PIEZO2: variants seen among roughly 807,000 people sequenced by gnomAD.
PIEZO2 encodes the protein piezo-type mechanosensitive ion channel component 2.
PIEZO2 carries 172 observed loss-of-function variants against 337.3 expected under a neutral mutation model. The observed-to-expected ratio is 0.51, with a 90% CI of 0.45 to 0.58. PIEZO2 has a LOEUF of 0.58. Among genes scored for constraint, PIEZO2 ranks in the 20% least tolerant of loss-of-function variants. The pLI, the probability that PIEZO2 is intolerant of heterozygous loss-of-function variation, is 0.00. For synonymous variants in PIEZO2, 1,251 were observed against 1,228.5 expected (o/e 1.02, Z -0.38); for missense variants, 3,028 against 3,391.3 (o/e 0.89, Z 2.66).
At chr18:10,697,950 C>G (rs2035170276) in intron 44 of PIEZO2, 70 bp from the exon 45 acceptor site, 2 of 1,524,116 alleles carry the variant, frequency 1.3e-6, no homozygotes, top group Admixed American at 2.1e-5. Context: ...ATCCAAGAAG[C>G]AGAACCCAGA....
chr18:10,982,483 A>G lies in PIEZO2; in HGVS notation c.161-2823T>C, dbSNP rs2034706322. Among the ~76,000 whole-genome samples, 1 of 152,234 alleles carries G rather than the reference A, an allele frequency of 6.6e-6. No homozygotes were observed. The highest frequency in any genetic ancestry group is 1.5e-5 in the Non-Finnish European group (1 of 68,038). On this transcript the variant is annotated intron_variant, in intron 2 of 55. Coordinates refer to ENST00000674853, the MANE Select transcript of PIEZO2 (RefSeq NM_001378183.1). This position sits in a 1 kb window ranked among gnomAD's most constrained non-coding sequence, Gnocchi z 4.1. ...TGTCAATTTCCCCAAAATTTAGTCT[A>G]AAAATTCAGTACAGTTTAAAATAAA...
chr18:11,127,790 T>G lies in PIEZO2; in HGVS notation c.64+20735A>C, dbSNP rs1398146354. On this transcript the variant is annotated intron_variant, in intron 1 of 55. Transcript: ENST00000674853. The surrounding 1 kb of genome is among the most constrained non-coding windows in gnomAD (Gnocchi z 4.5). Reference sequence around the variant, plus strand: ...TATATGATATATATGCATATACGTGTGTGTGTGTGTGCATGTGTGTGTGTG... The same window carrying G: ...TATATGATATATATGCATATACGTGGGTGTGTGTGTGCATGTGTGTGTGTG... 2.4e-5 allele frequency among the ~76,000 whole-genome samples: 2 copies of G among 82,668 alleles called. No homozygotes were observed. Among genetic ancestry groups the G allele is most frequent in the Non-Finnish European group, 4.6e-5 (2 of 43,752 alleles). The allele number at this position is 82,668 out of a possible 152,430, so 54.2% of individuals were successfully genotyped here.
At chr18:11,045,023 C>A (rs1000934852) in intron 2 of PIEZO2, among the ~76,000 whole-genome samples, 1 of 152,068 alleles carries the variant, frequency 6.6e-6, no homozygotes, top group African/African-American at 2.4e-5. Context: ...GGGCCAGGCA[C>A]GGTGGCTCAT....
chr18:11,088,974 G>A (rs1481331008), intron 1 of PIEZO2, among the ~76,000 whole-genome samples: 3 of 152,198 alleles, frequency 2.0e-5, no homozygotes. Context: ...GCAAAGAACA[G>A]TTTAAATTAC....
intron 7 of PIEZO2, among the ~76,000 whole-genome samples, chr18:10,825,700 G>A (rs1211749380): frequency 1.3e-5 from 2 of 151,796 alleles, no homozygotes; most frequent in Non-Finnish European, 2.9e-5. Context: ...ACAGGCATGT[G>A]CCACCATGCC....
rs1351760350 is a variant in PIEZO2 at position 11,038,442 on chromosome 18, A to G, written c.160+27685T>C. On this transcript the variant is annotated intron_variant, in intron 2 of 55. Coordinates refer to ENST00000674853, the MANE Select transcript of PIEZO2 (RefSeq NM_001378183.1). The surrounding 1 kb of genome is among the most constrained non-coding windows in gnomAD (Gnocchi z 4.1). ...TGTAAGCCGGAGGCCCTTATTTAAG[A>G]ATCTCCACCCATTCCAAAAGTTTTA... 2.6e-5 allele frequency among the ~76,000 whole-genome samples: 4 copies of G among 152,156 alleles called. No individual in the cohort carries two copies. Among genetic ancestry groups the G allele is most frequent in the Non-Finnish European group, 5.9e-5 (4 of 68,030 alleles).
intron 3 of PIEZO2, among the ~76,000 whole-genome samples, chr18:10,946,456 A>T (rs2033027693): frequency 6.6e-6 from 1 of 152,172 alleles, no homozygotes; most frequent in Admixed American, 6.5e-5. Flanking sequence ...AATCAGTGTG[A>T]GTCAGGCCTC....
rs1268726636 is a variant in PIEZO2 at position 10,872,559 on chromosome 18, C to T, written c.330-1144G>A. Reference sequence around the variant, plus strand: ...GAGCTTAATAGGCACTGGCAGACTTCTCACACCATTCAGCACACGACACGG... The same window carrying T: ...GAGCTTAATAGGCACTGGCAGACTTTTCACACCATTCAGCACACGACACGG... On this transcript the variant is annotated intron_variant, in intron 4 of 55. Transcript: ENST00000674853. The surrounding 1 kb of genome is among the most constrained non-coding windows in gnomAD (Gnocchi z 4.3). Among the ~76,000 whole-genome samples the T allele has an allele frequency of 6.6e-6, 1 of 152,096 alleles. No individual in the cohort carries two copies. The highest frequency in any genetic ancestry group is 2.4e-5 in the African/African-American group (1 of 41,364).
intron 1 of PIEZO2, among the ~76,000 whole-genome samples, chr18:11,106,728 G>T (rs1046450187): frequency 6.6e-6 from 1 of 152,100 alleles, no homozygotes; most frequent in Non-Finnish European, 1.5e-5. Flanking sequence ...AGTGGACAAG[G>T]ACAGTGGCAT....
chr18:11,039,023 T>C (rs993958333), intron 2 of PIEZO2, among the ~76,000 whole-genome samples: 1 of 152,158 alleles, frequency 6.6e-6, no homozygotes, highest in South Asian at 2.1e-4. Flanking sequence ...TGTGTCTAAT[T>C]CACAAAATTA....
Position 10,979,676 on chromosome 18 carries a change from T to C in PIEZO2, c.161-16A>G. On this transcript the variant is annotated splice_polypyrimidine_tract_variant and intron_variant, in intron 2 of 55. Transcript: ENST00000674853. This position sits in a 1 kb window ranked among gnomAD's most constrained non-coding sequence, Gnocchi z 4.0. ...CCCGTATGTCCTAAGGGATAAAAAG[T>C]GCAGAGATTGTGAGAGAGCTTAAGA... The C allele has an allele frequency of 6.6e-7, 1 of 1,521,848 alleles. No individual in the cohort carries two copies. The highest frequency in any genetic ancestry group is 8.8e-7 in the Non-Finnish European group (1 of 1,137,038). The allele number at this position is 1,521,848 out of a possible 1,614,324, so 94.3% of individuals were successfully genotyped here. A position where few individuals can be genotyped will look rare whatever the true frequency, so the allele number is the denominator to read the frequency against.
At chr18:10,901,263 G>T (rs1362405355) in intron 4 of PIEZO2, among the ~76,000 whole-genome samples, 1 of 152,172 alleles carries the variant, frequency 6.6e-6, no homozygotes, top group Non-Finnish European at 1.5e-5. Context: ...GGATAGAATT[G>T]CTGCAAATAC....
At chr18:11,049,755 T>C (rs900513302) in intron 2 of PIEZO2, among the ~76,000 whole-genome samples, 1 of 152,194 alleles carries the variant, frequency 6.6e-6, no homozygotes, top group Non-Finnish European at 1.5e-5. Context: ...CCTGCCACCA[T>C]GTAAGACATG....
intron 7 of PIEZO2, among the ~76,000 whole-genome samples, chr18:10,844,650 G>T (rs191156810): frequency 2.2e-4 from 34 of 151,832 alleles, no homozygotes; most frequent in African/African-American, 8.0e-4. Context: ...ATAGCTAGGC[G>T]TGGTGGTGGG....
At chr18:11,089,629 A>T (rs2039011365) in intron 1 of PIEZO2, among the ~76,000 whole-genome samples, 1 of 152,204 alleles carries the variant, frequency 6.6e-6, no homozygotes, top group South Asian at 2.1e-4. Flanking sequence ...CATCAACTCC[A>T]TTACAGGATT....
Position 10,821,071 on chromosome 18 carries a change from T to C in PIEZO2, c.918-13797A>G, listed in dbSNP as rs554181443. On this transcript the variant is annotated intron_variant, in intron 7 of 55. Coordinates refer to ENST00000674853, the MANE Select transcript of PIEZO2 (RefSeq NM_001378183.1). The surrounding 1 kb of genome is among the most constrained non-coding windows in gnomAD (Gnocchi z 4.2). ...AAGTGTCTAGATGACTCCTTGAAGA[T>C]CTCTGGAGCTCTTTCTCTGTCTTTC... Among the ~76,000 whole-genome samples, 9 of 152,334 alleles carry C rather than the reference T, an allele frequency of 5.9e-5. No homozygotes were observed. Among genetic ancestry groups the C allele is most frequent in the African/African-American group, 1.9e-4 (8 of 41,578 alleles).
intron 4 of PIEZO2, among the ~76,000 whole-genome samples, chr18:10,906,307 A>C (rs1329777413): frequency 6.6e-6 from 1 of 152,242 alleles, no homozygotes; most frequent in Admixed American, 6.5e-5. Flanking sequence ...TAATGTTCTG[A>C]TTACACAGAA....
intron 1 of PIEZO2, among the ~76,000 whole-genome samples, chr18:11,072,977 T>A (rs4797500): frequency 0.52 from 78,767 of 152,180 alleles, 22,365 homozygotes; most frequent in East Asian, 0.97. Context: ...CATGATGGCA[T>A]ATGCTCTGTA....
Position 10,794,891 on chromosome 18 carries a change from T to A in PIEZO2, c.1639A>T (p.Met547Leu), listed in dbSNP as rs925624319. The stretch of plus-strand genomic sequence containing the variant: ...AACAATAGGTTTCCATAAACCACCA[T>A]GAAGGGAGAGCTGATCATGGCATAT... ...RKYAMISSPFMVVYGNLLLIL... is the reference protein window; with the variant it reads ...RKYAMISSPFLVVYGNLLLIL... The change falls in exon 13 of 56, where the codon ATG becomes TTG. Residue 547 changes from methionine (M) to leucine (L), a missense_variant. By Grantham distance (15) the Met-to-Leu change is conservative (BLOSUM62 2). This residue lies in a region of PIEZO2 where 50 missense variants were observed against 88.2 expected (regional missense o/e 0.57). Transcript: ENST00000674853. This position sits in a 1 kb window ranked among gnomAD's most constrained non-coding sequence, Gnocchi z 6.6. 6.5e-7 allele frequency: 1 copy of A among 1,539,564 alleles called. No individual in the cohort carries two copies. Among genetic ancestry groups the A allele is most frequent in the Non-Finnish European group, 8.7e-7 (1 of 1,146,850 alleles).
Sources: gnomAD v4.1 joint callset for allele counts (sites outside exome capture counted in the v4.1 genomes callset) on GRCh38, gnomAD v4.1.1 for gene constraint, gnomAD v4.1.1 regional missense constraint, Gnocchi (gnomAD v3.1) non-coding constraint, MANE v1.5 for transcripts, NCBI Gene and HGNC (gene_info 2026-07-23, HGNC 2026-07-21) for gene names.